SLC22A24: variants seen among roughly 807,000 people sequenced by gnomAD.
SLC22A24 encodes the protein steroid transmembrane transporter SLC22A24.
In SLC22A24, 53 loss-of-function variants were observed where a neutral mutation model predicts 49.8. The ratio of observed to expected loss-of-function variants is 1.06; its 90% CI spans 0.85 to 1.34. The LOEUF (loss-of-function observed/expected upper bound fraction) is 1.34. Among genes scored for constraint, SLC22A24 ranks in the 40% most tolerant of loss-of-function variants. The pLI is 0.00. For synonymous variants in SLC22A24, 302 were observed against 256.4 expected (o/e 1.18, Z -1.70); for missense variants, 786 against 675.9 (o/e 1.16, Z -1.81).
intron 1 of SLC22A24, among the ~76,000 whole-genome samples, chr11:63,138,838 GT>G (rs200364772): frequency 0.052 from 7,914 of 151,788 alleles, 314 homozygotes; most frequent in Middle Eastern, 0.082. Context: ...ATTTAATAAG[GT>G]TTTTTCCCCC....
chr11:63,134,829 A>C, intron 1 of SLC22A24, 61 bp from the exon 2 acceptor site: 1 of 1,189,632 alleles, frequency 8.4e-7, no homozygotes, highest in Non-Finnish European at 1.2e-6. Context: ...TTTAGTAGAA[A>C]CTGACTCCAA....
chr11:63,108,600 A>C (rs1019238924), intron 4 of SLC22A24, among the ~76,000 whole-genome samples: 1 of 152,100 alleles, frequency 6.6e-6, no homozygotes, highest in Non-Finnish European at 1.5e-5. Context: ...TATTGCCTCA[A>C]TTTTATAGCC....
intron 4 of SLC22A24, among the ~76,000 whole-genome samples, chr11:63,113,181 T>TATATACAC (rs1565332271): frequency 2.5e-4 from 2 of 7,860 alleles, no homozygotes; most frequent in African/African-American, 3.7e-4. Context: ...TATATACATA[T>TATATACAC]ATATATACAC....
At chr11:63,101,799 CTG>C (rs2087092861) in intron 5 of SLC22A24, among the ~76,000 whole-genome samples, 1 of 152,036 alleles carries the variant, frequency 6.6e-6, no homozygotes, top group African/African-American at 2.4e-5. Context: ...ATGGATGAAA[CTG>C]GAGGTCATTA....
In SLC22A24 at chr11:63,118,946, A is replaced by G. The variant is rs187956441; in HGVS notation, c.796T>C (p.Ser266Pro). 163 of 1,552,068 alleles carry G rather than the reference A, an allele frequency of 1.1e-4. 1 individual carries two copies. The African/African-American group carries it at 2.0e-3, about 19-fold the overall frequency. ...QDWHILQLTV[S>P]TPIIVLFLSS... is the part of the protein sequence containing the mutation. ...AAGAAGAGGACAATTATGGGTGTAG[A>G]CACAGTCAGTTGCAATATGTGCCAG... is the stretch of plus-strand genomic sequence containing the variant. Residue 266 changes from serine (S) to proline (P), a missense_variant, in exon 4 of 10, where the codon TCT becomes CCT. Transcript: ENST00000612278.
At chr11:63,113,930 C>G (rs2087194372) in intron 4 of SLC22A24, among the ~76,000 whole-genome samples, 1 of 151,350 alleles carries the variant, frequency 6.6e-6, no homozygotes. Flanking sequence ...GCCGAGAGAT[C>G]TGCTGTTAGT....
At chr11:63,130,775 G>A (rs1052488155) in intron 2 of SLC22A24, among the ~76,000 whole-genome samples, 1 of 152,140 alleles carries the variant, frequency 6.6e-6, no homozygotes, top group African/African-American at 2.4e-5. Flanking sequence ...GGTGTTTATA[G>A]TGTTCTCTGA....
chr11:63,108,325 A>G (rs2134655508), intron 4 of SLC22A24, among the ~76,000 whole-genome samples: 1 of 152,196 alleles, frequency 6.6e-6, no homozygotes, highest in East Asian at 1.9e-4. Flanking sequence ...GTGCTGCTGG[A>G]TTCGTTTTGC....
chr11:63,109,673 T>C (rs558068047), intron 4 of SLC22A24, among the ~76,000 whole-genome samples: 17,734 of 151,704 alleles, frequency 0.12, 1,133 homozygotes, highest in Middle Eastern at 0.15. Flanking sequence ...TCATGTCCTT[T>C]GCCCACTTTT....
intron 6 of SLC22A24, among the ~76,000 whole-genome samples, chr11:63,089,807 C>T (rs77650092): frequency 0.021 from 3,234 of 152,032 alleles, 98 homozygotes; most frequent in African/African-American, 0.072. Flanking sequence ...CAAGGCCGGC[C>T]GCGGTGGCTC....
Position 63,092,692 on chromosome 11 carries a change from C to A in SLC22A24, c.1070+3299G>T, listed in dbSNP as rs184623661. Among the ~76,000 whole-genome samples the A allele has an allele frequency of 9.9e-3, 1,490 of 149,882 alleles. 27 individuals are homozygous for A. Among genetic ancestry groups the A allele is most frequent in the African/African-American group, 0.034 (1,396 of 40,902 alleles). ...CCTACACCTTATATAAAAATTAACT[C>A]AAGATGGATTAAAAATTTAAATGTA... On this transcript the variant is annotated intron_variant, in intron 6 of 9. Transcript: ENST00000612278.
chr11:63,119,963 G>C (rs1283184996), intron 2 of SLC22A24, among the ~76,000 whole-genome samples: 2 of 151,622 alleles, frequency 1.3e-5, no homozygotes, highest in African/African-American at 4.9e-5. Flanking sequence ...CTTTTTGATG[G>C]GGTTGTTTGT....
intron 4 of SLC22A24, among the ~76,000 whole-genome samples, chr11:63,109,232 A>C (rs2087144712): frequency 6.9e-6 from 1 of 145,142 alleles, no homozygotes; most frequent in Non-Finnish European, 1.5e-5. Context: ...ACATTTTCTT[A>C]ATCCAGTCTA....
chr11:63,111,797 C>T (rs1332350628), intron 4 of SLC22A24, among the ~76,000 whole-genome samples: 2 of 152,120 alleles, frequency 1.3e-5, no homozygotes, highest in East Asian at 1.9e-4. Context: ...TTTCAAAAAA[C>T]CAGCTCCTGG....
At chr11:63,117,422 CTCAG>C (rs1459935069) in intron 4 of SLC22A24, among the ~76,000 whole-genome samples, 5 of 152,150 alleles carry the variant, frequency 3.3e-5, no homozygotes, top group African/African-American at 9.7e-5. Flanking sequence ...GTATGTGACA[CTCAG>C]TCAGGCAGTT....
At chr11:63,081,149 A>C in intron 8 of SLC22A24, 26 bp from the exon 9 acceptor site, 1 of 1,535,812 alleles carries the variant, frequency 6.5e-7, no homozygotes, top group African/African-American at 1.4e-5. Context: ...ACAATACAAA[A>C]AATCTTGTAT....
chr11:63,095,364 T>G (rs2087047305), intron 6 of SLC22A24, among the ~76,000 whole-genome samples: 1 of 152,122 alleles, frequency 6.6e-6, no homozygotes. Flanking sequence ...TTATGGAATA[T>G]TCATATAAGA....
At position 63,143,871 on chromosome 11, in the gene SLC22A24, A is replaced by G. The variant is rs1026262272; in HGVS notation, c.-92T>C. On this transcript the variant is annotated 5_prime_UTR_variant, in exon 1 of 10. The change abolishes an upstream ATG in the 5' untranslated region. Coordinates refer to ENST00000612278, the MANE Select transcript of SLC22A24 (RefSeq NM_001136506.2). ...AAATGTCCCCTTTCACAAAGTTACC[A>G]TAGTGCCATGTGGATCCTGACACTG... is the stretch of plus-strand genomic sequence containing the variant. The G allele has an allele frequency of 8.1e-6, 9 of 1,110,366 alleles. No individual in the cohort carries two copies. Among genetic ancestry groups the G allele is most frequent in the South Asian group, 6.2e-5 (2 of 32,318 alleles). 68.8% of individuals were successfully genotyped at this position (1,110,366 alleles called of 1,614,324 possible). A position where few individuals can be genotyped will look rare whatever the true frequency, so the allele number is the denominator to read the frequency against.
At chr11:63,136,019 A>C (rs978703045) in intron 1 of SLC22A24, among the ~76,000 whole-genome samples, 2 of 152,196 alleles carry the variant, frequency 1.3e-5, no homozygotes, top group South Asian at 4.1e-4. Flanking sequence ...ATTTGGGACA[A>C]ATTGGAAAGG....
Sources: gnomAD v4.1 joint callset for allele counts (sites outside exome capture counted in the v4.1 genomes callset) on GRCh38, gnomAD v4.1.1 for gene constraint, MANE v1.5 for transcripts, NCBI Gene and HGNC (gene_info 2026-07-23, HGNC 2026-07-21) for gene names.